Variants in DLG2 observed in about 807,000 individuals in gnomAD.
The protein encoded by DLG2 is discs large MAGUK scaffold protein 2.
A neutral mutation model predicts 132.5 loss-of-function variants in DLG2; 45 were observed. That is an observed-to-expected ratio of 0.34 (90% CI 0.27 to 0.44). The LOEUF (loss-of-function observed/expected upper bound fraction) is 0.44. DLG2 is among the 20% of genes least tolerant of loss of function. The probability of loss-of-function intolerance (pLI) is 1.00; values close to 1 mark genes in which losing one functional copy is unlikely to be tolerated. For synonymous variants in DLG2, 424 were observed against 419.6 expected, an observed-to-expected ratio of 1.01 and a Z score of -0.13; for missense variants, 1,045 against 1,196.9, an observed-to-expected ratio of 0.87 and a Z score of 1.87.
intron 14 of DLG2, among the ~76,000 whole-genome samples, chr11:83,938,481 T>C (rs12284526): frequency 0.076 from 11,623 of 152,184 alleles, 608 homozygotes; most frequent in Non-Finnish European, 0.12. Flanking sequence ...TTTAGGGAGT[T>C]TGTTAATGGT....
chr11:84,807,560 G>T (rs1598564809), intron 6 of DLG2, among the ~76,000 whole-genome samples: 1 of 152,100 alleles, frequency 6.6e-6, no homozygotes, highest in East Asian at 1.9e-4. Flanking sequence ...CACAGTCACG[G>T]ATTATCAGAA....
intron 7 of DLG2, among the ~76,000 whole-genome samples, chr11:84,501,985 G>C (rs1034502626): frequency 1.9e-4 from 29 of 152,108 alleles, no homozygotes; most frequent in African/African-American, 7.0e-4. Context: ...CCACTTTGCA[G>C]TTTCATCTGT....
intron 4 of DLG2, among the ~76,000 whole-genome samples, chr11:85,233,158 C>A (rs1200096334): frequency 6.6e-6 from 1 of 151,798 alleles, no homozygotes; most frequent in Non-Finnish European, 1.5e-5. Context: ...TTTGTTCTGA[C>A]ATATGGGTGA....
chr11:84,064,060 T>C (rs1298076537), intron 10 of DLG2, among the ~76,000 whole-genome samples: 1 of 152,144 alleles, frequency 6.6e-6, no homozygotes, highest in Non-Finnish European at 1.5e-5. Flanking sequence ...CATGAATACA[T>C]GTGTAACAAA....
chr11:85,203,542 A>C (rs1309128655), intron 4 of DLG2, among the ~76,000 whole-genome samples: 1 of 152,040 alleles, frequency 6.6e-6, no homozygotes, highest in Non-Finnish European at 1.5e-5. Context: ...AGATCAAAGA[A>C]GTAATAAAAA....
chr11:83,885,705 C>T (rs1244478023), intron 15 of DLG2, among the ~76,000 whole-genome samples: 6 of 152,126 alleles, frequency 3.9e-5, no homozygotes, highest in Non-Finnish European at 1.5e-5. Context: ...AGAGAAAGGT[C>T]GGGTTACCCA....
At chr11:83,880,368 A>G (rs573216293) in intron 15 of DLG2, among the ~76,000 whole-genome samples, 9 of 152,324 alleles carry the variant, frequency 5.9e-5, no homozygotes, top group African/African-American at 2.2e-4. Flanking sequence ...ATAATGCAGT[A>G]AAAATTAAGA....
intron 3 of DLG2, among the ~76,000 whole-genome samples, chr11:85,384,869 A>G (rs1325270964): frequency 1.3e-5 from 2 of 152,140 alleles, no homozygotes; most frequent in Admixed American, 6.5e-5. Context: ...ACCCCACCTG[A>G]CCAAGTTATT....
At chr11:84,833,097 C>T (rs1489641579) in intron 6 of DLG2, among the ~76,000 whole-genome samples, 1 of 151,390 alleles carries the variant, frequency 6.6e-6, no homozygotes, top group African/African-American at 2.4e-5. Flanking sequence ...TAATTGAATC[C>T]TCACTCCCAA....
At chr11:84,866,887 T>C (rs79348533) in intron 6 of DLG2, among the ~76,000 whole-genome samples, 3,733 of 152,276 alleles carry the variant, frequency 0.025, 174 homozygotes, top group African/African-American at 0.086. Context: ...CAAAAGTTAA[T>C]ATTCTTTTCT....
At chr11:84,342,026 A>G (rs1287741848) in intron 7 of DLG2, among the ~76,000 whole-genome samples, 1 of 152,196 alleles carries the variant, frequency 6.6e-6, no homozygotes, top group African/African-American at 2.4e-5. Flanking sequence ...CCAAATTCTA[A>G]CATATACAAT....
chr11:85,122,034 A>T (rs1476594869), intron 5 of DLG2, among the ~76,000 whole-genome samples: 1 of 152,194 alleles, frequency 6.6e-6, no homozygotes, highest in Non-Finnish European at 1.5e-5. Flanking sequence ...CTTATTGAAC[A>T]GTGAAATAGC....
chr11:84,715,606 A>G (rs961858152), intron 6 of DLG2, among the ~76,000 whole-genome samples: 10 of 152,066 alleles, frequency 6.6e-5, no homozygotes, highest in African/African-American at 1.9e-4. Flanking sequence ...CATTCCACAT[A>G]TAAGTGAGGT....
intron 6 of DLG2, among the ~76,000 whole-genome samples, chr11:84,594,983 C>T (rs1374707359): frequency 6.6e-6 from 1 of 152,128 alleles, no homozygotes; most frequent in Non-Finnish European, 1.5e-5. Flanking sequence ...TATTTGGGAT[C>T]ATGTAGATGA....
At chr11:85,122,368 G>A (rs185457713) in intron 5 of DLG2, among the ~76,000 whole-genome samples, 3 of 152,314 alleles carry the variant, frequency 2.0e-5, no homozygotes, top group Admixed American at 6.5e-5. Flanking sequence ...AAGCTAGGAA[G>A]TTGAGAGGTA....
intron 18 of DLG2, among the ~76,000 whole-genome samples, chr11:83,782,592 C>A (rs56697477): frequency 0.22 from 33,143 of 152,030 alleles, 3,919 homozygotes; most frequent in African/African-American, 0.29. Flanking sequence ...AGGAATCCTG[C>A]AGGTGGAAAG....
intron 7 of DLG2, among the ~76,000 whole-genome samples, chr11:84,277,722 C>G (rs890373428): frequency 3.3e-5 from 5 of 151,964 alleles, no homozygotes; most frequent in Admixed American, 3.3e-4. Context: ...AAAATAACAG[C>G]ACAGAAGATA....
Position 85,122,930 on chromosome 11 carries a change from ATG to A in DLG2, c.283-11197_283-11196del, listed in dbSNP as rs1230501793. 2.1e-4 allele frequency among the ~76,000 whole-genome samples: 16 copies of A among 76,522 alleles called. No individual in the cohort carries two copies. The South Asian group carries it at 3.6e-3, about 17-fold the overall frequency. The allele number at this position is 76,522 out of a possible 152,430, so 50.2% of individuals were successfully genotyped here. On this transcript the variant is annotated intron_variant, in intron 5 of 27. Transcript: ENST00000376104. Reference sequence around the variant, plus strand: ...CATATTTATACACACACATGCATGTATGTGTGTCTGTATATATATTATATATA... The same window carrying A: ...CATATTTATACACACACATGCATGTATGTGTCTGTATATATATTATATATA...
At chr11:84,167,757 A>G (rs941848090) in intron 8 of DLG2, among the ~76,000 whole-genome samples, 8 of 151,930 alleles carry the variant, frequency 5.3e-5, no homozygotes, top group African/African-American at 1.9e-4. Context: ...ACCTCTGCAT[A>G]CCAGGTTTAA....
Sources: gnomAD v4.1 joint callset for allele counts (sites outside exome capture counted in the v4.1 genomes callset) on GRCh38, gnomAD v4.1.1 for gene constraint, MANE v1.5 for transcripts, NCBI Gene and HGNC (gene_info 2026-07-23, HGNC 2026-07-21) for gene names.